Variants in TRPM5 observed in about 807,000 individuals in gnomAD.
The protein encoded by TRPM5 is transient receptor potential cation channel subfamily M member 5, also known as MLSN1 and TRP-related.
TRPM5 carries 121 observed loss-of-function variants against 124.9 expected under a neutral mutation model. The ratio of observed to expected loss-of-function variants is 0.97; its 90% CI spans 0.84 to 1.13. TRPM5 has a LOEUF of 1.13. Among genes scored for constraint, TRPM5 ranks in the 50% most tolerant of loss-of-function variants. TRPM5 has a pLI of 0.00. For missense variants in TRPM5, 1,643 were observed against 1,589.1 expected (o/e 1.03, Z -0.58); for synonymous variants, 781 against 700.5 (o/e 1.11, Z -1.81).
chr11:2,420,426 G>A (rs775882072), intron 3 of TRPM5, 21 bp from the exon 9 acceptor site: 10 of 1,586,476 alleles, frequency 6.3e-6, no homozygotes, highest in Admixed American at 1.7e-5. Context: ...GCAGGGAGAC[G>A]AGGCTGAGCC....
chr11:2,411,372 A>T (rs1850447554), exon 18 of TRPM5: 1 of 1,606,668 alleles, frequency 6.2e-7, no homozygotes, highest in Non-Finnish European at 8.5e-7. Context: ...GTCCAGTGGG[A>T]TCTGGCCGAA....
chr11:2,434,697 G>C, the TRPM5 span, among the ~76,000 whole-genome samples: 17 of 151,372 alleles, frequency 1.1e-4, no homozygotes, highest in African/African-American at 3.6e-4. Context: ...CACTGTGTGT[G>C]TGTCTGTGTG....
chr11:2,407,882 AGTGG>A lies in TRPM5; in HGVS notation c.2809_2812del (p.Pro937CysfsTer34). 6.2e-7 allele frequency: 1 copy of A among 1,613,854 alleles called. No individual in the cohort carries two copies. The highest frequency in any genetic ancestry group is 8.5e-7 in the Non-Finnish European group (1 of 1,179,954). On this transcript the variant is annotated frameshift_variant, in exon 19 of 24. Coordinates refer to ENST00000155858, the Ensembl canonical transcript of TRPM5. LOFTEE classifies it high-confidence loss of function. ...GCAGGATGGTGAGTCCTCCAGCAGCAGTGGGTGGGTGGAGCAGTTCACACGGGCT... is the reference window on the plus strand; with the variant it reads ...GCAGGATGGTGAGTCCTCCAGCAGCAGTGGGTGGAGCAGTTCACACGGGCT...
At chr11:2,443,422 C>T in the TRPM5 span, among the ~76,000 whole-genome samples, 1 of 152,206 alleles carries the variant, frequency 6.6e-6, no homozygotes, top group Middle Eastern at 3.2e-3. The surrounding 1 kb of genome is among the most constrained non-coding windows in gnomAD (Gnocchi z 5.0). Context: ...TCTTCTGACC[C>T]GCTGCCCTTC....
exon 24 of TRPM5, chr11:2,404,903 G>C (rs1173854944): frequency 2.6e-6 from 4 of 1,561,818 alleles, no homozygotes; most frequent in Non-Finnish European, 3.5e-6. Context: ...GCCAGCTGAG[G>C]AGAGGTGGCC....
intron 5 of TRPM5, 46 bp from the exon 11 acceptor site, chr11:2,418,404 G>A (rs1213764084): frequency 5.0e-5 from 76 of 1,529,358 alleles, no homozygotes; most frequent in Non-Finnish European, 6.4e-5. Context: ...TTAGCCCGAC[G>A]ACATCTGGAT....
upstream of TRPM5, among the ~76,000 whole-genome samples, chr11:2,423,249 G>A (rs920583603): frequency 1.3e-5 from 2 of 152,108 alleles, no homozygotes; most frequent in African/African-American, 2.4e-5. Context: ...CTGCAGCTCC[G>A]ACACTCGCTG....
At chr11:2,439,587 A>G in the TRPM5 span, among the ~76,000 whole-genome samples, 2,888 of 152,362 alleles carry the variant, frequency 0.019, 34 homozygotes, top group Non-Finnish European at 0.032. Context: ...GCTCAACATC[A>G]CTAATCATTA....
chr11:2,436,234 C>T, the TRPM5 span, among the ~76,000 whole-genome samples: 5 of 152,270 alleles, frequency 3.3e-5, no homozygotes, highest in Non-Finnish European at 5.9e-5. Flanking sequence ...TCTGCTCAGC[C>T]GCCACCTCAC....
At chr11:2,421,981 G>A (rs879928776) in intron 2 of TRPM5, among the ~76,000 whole-genome samples, 160 bp downstream of exon 7, 5 of 129,096 alleles carry the variant, frequency 3.9e-5, no homozygotes, top group African/African-American at 1.4e-4. Flanking sequence ...TCTGGCTGCC[G>A]TGTGGGGTGG....
chr11:2,405,983 C>T (rs1252472965), intron 22 of TRPM5, 36 bp downstream of exon 27: 3 of 1,588,068 alleles, frequency 1.9e-6, no homozygotes, highest in Non-Finnish European at 2.6e-6. Context: ...AGCCACCCGC[C>T]TCCCATCAGG....
At chr11:2,414,258 C>G in intron 11 of TRPM5, 52 bp from the exon 17 acceptor site, 5 of 1,555,284 alleles carry the variant, frequency 3.2e-6, no homozygotes, top group South Asian at 1.2e-5. Flanking sequence ...CCCGGCCCGG[C>G]CCCCGACGCC....
intron 15 of TRPM5, 123 bp downstream of exon 20, chr11:2,412,631 A>C (rs1850475360): frequency 9.3e-7 from 1 of 1,070,746 alleles, no homozygotes; most frequent in Non-Finnish European, 1.3e-6. Context: ...GGAAGATGGG[A>C]GGCCCCCATG....
At chr11:2,432,556 G>A in the TRPM5 span, among the ~76,000 whole-genome samples, 9 of 152,222 alleles carry the variant, frequency 5.9e-5, no homozygotes, top group Non-Finnish European at 1.3e-4. Flanking sequence ...GTCCCTGACC[G>A]GGGTCCTCGG....
upstream of TRPM5, among the ~76,000 whole-genome samples, chr11:2,424,903 C>T (rs1028465525): frequency 2.0e-5 from 3 of 152,250 alleles, no homozygotes; most frequent in African/African-American, 7.2e-5. Flanking sequence ...GGGCCTCAGC[C>T]CCCTCCTCCG....
chr11:2,415,573 TC>T, intron 8 of TRPM5, 102 bp from the exon 14 acceptor site: 1 of 818,768 alleles, frequency 1.2e-6, no homozygotes, highest in Non-Finnish European at 1.9e-6. Flanking sequence ...TGGGGATCCA[TC>T]CCCAGGGCCA....
intron 18 of TRPM5, among the ~76,000 whole-genome samples, chr11:2,410,137 T>C (rs1212836588): frequency 6.6e-6 from 1 of 152,090 alleles, no homozygotes; most frequent in Non-Finnish European, 1.5e-5. Flanking sequence ...ACTAATGGCC[T>C]GGAAAATGAA....
upstream of TRPM5, among the ~76,000 whole-genome samples, chr11:2,426,809 G>A (rs1444796836): frequency 6.6e-6 from 1 of 152,186 alleles, no homozygotes; most frequent in African/African-American, 2.4e-5. Flanking sequence ...GCGTGCAGCA[G>A]GCTGGAAGTC....
In TRPM5 at chr11:2,414,894, G is replaced by A. The variant is rs371740319; in HGVS notation, c.1620+13C>T. ...TCCCCTGCCCCCGCGCTGGGCCCGC[G>A]GCCTGGGCTCACCATGGCCCAGAAG... On this transcript the variant is annotated intron_variant, in intron 10 of 23. Coordinates refer to ENST00000155858, the Ensembl canonical transcript of TRPM5. 19 of 1,600,256 alleles carry A rather than the reference G, an allele frequency of 1.2e-5. No homozygotes were observed. The Admixed American group carries it at 1.5e-4, about 13-fold the overall frequency.
Sources: gnomAD v4.1 joint callset for allele counts (sites outside exome capture counted in the v4.1 genomes callset) on GRCh38, gnomAD v4.1.1 for gene constraint, Gnocchi (gnomAD v3.1) non-coding constraint, MANE v1.5 for transcripts, NCBI Gene and HGNC (gene_info 2026-07-23, HGNC 2026-07-21) for gene names.